The following PLEKHM3 variants were observed in gnomAD, a reference collection of about 807,000 sequenced individuals.
PLEKHM3 encodes the protein pleckstrin homology domain-containing family M member 3.
Under a neutral mutation model 81.8 loss-of-function variants are expected in PLEKHM3, and 45 were observed. The ratio of observed to expected loss-of-function variants is 0.55; its 90% confidence interval spans 0.43 to 0.71. The LOEUF (loss-of-function observed/expected upper bound fraction) is 0.71. Ranked by LOEUF, PLEKHM3 falls within the 30% of genes least tolerant of loss-of-function variation. The pLI is 0.00. For synonymous variants in PLEKHM3, 352 were observed against 356.4 expected, an observed-to-expected ratio of 0.99 and a Z score of 0.14; for missense variants, 788 against 924.3, an observed-to-expected ratio of 0.85 and a Z score of 1.91.
At chr2:207,932,986 T>G (rs1273806233) in intron 4 of PLEKHM3, among the ~76,000 whole-genome samples, 2 of 152,320 alleles carry the variant, frequency 1.3e-5, no homozygotes, top group East Asian at 3.9e-4. Flanking sequence ...ATGTTCTTTA[T>G]AGGAATGCAA....
At chr2:208,019,316 C>G (rs778638188) in intron 1 of PLEKHM3, among the ~76,000 whole-genome samples, 11 of 151,992 alleles carry the variant, frequency 7.2e-5, no homozygotes, top group Non-Finnish European at 1.3e-4. Flanking sequence ...AAAACAAAAC[C>G]AAACCTGGAA....
intron 6 of PLEKHM3, among the ~76,000 whole-genome samples, chr2:207,876,775 T>C (rs1388774224): frequency 2.6e-5 from 4 of 152,232 alleles, no homozygotes; most frequent in Non-Finnish European, 4.4e-5. Flanking sequence ...ATGTTTTAAA[T>C]GCCCTCTTCC....
At chr2:208,005,972 G>A (rs149235770) in intron 1 of PLEKHM3, among the ~76,000 whole-genome samples, 158 of 152,228 alleles carry the variant, frequency 1.0e-3, no homozygotes, top group African/African-American at 3.8e-3. Context: ...TGGGACAAAA[G>A]CATAAGAGCC....
At chr2:207,840,761 C>A (rs1246008128) in intron 7 of PLEKHM3, among the ~76,000 whole-genome samples, 1 of 143,102 alleles carries the variant, frequency 7.0e-6, no homozygotes, top group African/African-American at 2.6e-5. Context: ...TTATGTTTAT[C>A]TTTACCTATA....
chr2:207,930,929 C>T lies in PLEKHM3; in HGVS notation c.1883G>A (p.Arg628His), dbSNP rs1005120817. The T allele has an allele frequency of 1.9e-6, 3 of 1,612,578 alleles. No homozygotes were observed. Among genetic ancestry groups the T allele is most frequent in the South Asian group, 1.1e-5 (1 of 91,034 alleles). ...CRAAVAEDLR[R>H]RIFPREYLLQ... ...GTCTGAGATTTATGACTCTTACCTGCGGCGGAGATCCTCTGCCACCGCTGC... is the reference window on the plus strand; with the variant it reads ...GTCTGAGATTTATGACTCTTACCTGTGGCGGAGATCCTCTGCCACCGCTGC... The change falls in exon 5 of 8, where the codon CGC (arginine) becomes CAC (histidine). Residue 628 changes from arginine to histidine, a missense_variant. By Grantham distance (29) the Arg-to-His change is conservative (BLOSUM62 0). Transcript: ENST00000427836.
intron 5 of PLEKHM3, among the ~76,000 whole-genome samples, 199 bp from the exon 6 acceptor site, chr2:207,908,776 G>A (rs755572144): frequency 9.2e-5 from 14 of 152,314 alleles, no homozygotes; most frequent in Admixed American, 2.6e-4. Context: ...CAGAATGGAG[G>A]TAAAAGTTTG....
intron 7 of PLEKHM3, among the ~76,000 whole-genome samples, chr2:207,856,313 T>C (rs1267700309): frequency 1.3e-5 from 2 of 152,196 alleles, no homozygotes; most frequent in African/African-American, 4.8e-5. Flanking sequence ...AATATCGATA[T>C]ATCATTATTA....
chr2:207,873,468 A>G (rs111995228), intron 6 of PLEKHM3, among the ~76,000 whole-genome samples: 6 of 152,362 alleles, frequency 3.9e-5, no homozygotes, highest in African/African-American at 9.6e-5. Context: ...TAATTAACCA[A>G]CAAGGAAGAC....
At chr2:207,860,198 TG>T (rs2092460020) in intron 7 of PLEKHM3, among the ~76,000 whole-genome samples, 1 of 151,284 alleles carries the variant, frequency 6.6e-6, no homozygotes, top group Non-Finnish European at 1.5e-5. Context: ...TGTGTGTGTG[TG>T]TGTGTGTATC....
intron 3 of PLEKHM3, among the ~76,000 whole-genome samples, chr2:207,972,302 G>A (rs1691149877): frequency 6.6e-6 from 1 of 151,366 alleles, no homozygotes; most frequent in African/African-American, 2.4e-5. Context: ...CTATAAGGCT[G>A]GGCACAGTGG....
At chr2:207,837,784 T>TGAGA (rs2092328578) in intron 7 of PLEKHM3, among the ~76,000 whole-genome samples, 1 of 99,938 alleles carries the variant, frequency 1.0e-5, no homozygotes, top group African/African-American at 3.4e-5. Flanking sequence ...TTTTTTTTTT[T>TGAGA]TTTTGAGATT....
At chr2:207,946,705 C>T (rs1398699514) in intron 3 of PLEKHM3, among the ~76,000 whole-genome samples, 193 bp from the exon 4 acceptor site, 1 of 152,182 alleles carries the variant, frequency 6.6e-6, no homozygotes, top group African/African-American at 2.4e-5. Flanking sequence ...GTCCCTTCAC[C>T]TCCTAGGGTA....
intron 3 of PLEKHM3, among the ~76,000 whole-genome samples, chr2:207,962,276 T>C (rs528537261): frequency 4.5e-4 from 69 of 152,260 alleles, no homozygotes; most frequent in Non-Finnish European, 7.1e-4. Flanking sequence ...CCATCATACC[T>C]ACATAATGAA....
intron 5 of PLEKHM3, chr2:207,929,956 A>G (rs1294086966): frequency 1.4e-6 from 1 of 694,620 alleles, no homozygotes; most frequent in East Asian, 2.7e-5. Flanking sequence ...AAAACAAAAA[A>G]ATTAAAAGGT....
chr2:207,894,166 CA>C (rs1205571112), intron 6 of PLEKHM3, among the ~76,000 whole-genome samples: 3 of 152,034 alleles, frequency 2.0e-5, no homozygotes, highest in Non-Finnish European at 2.9e-5. Flanking sequence ...ATCATAAATC[CA>C]TATCTAATTA....
chr2:207,882,821 T>C (rs1232059117), intron 6 of PLEKHM3, among the ~76,000 whole-genome samples: 2 of 152,140 alleles, frequency 1.3e-5, no homozygotes, highest in African/African-American at 4.8e-5. Flanking sequence ...TTACAGTTTT[T>C]AAAAGTTTTT....
intron 1 of PLEKHM3, among the ~76,000 whole-genome samples, chr2:208,011,551 C>G (rs1692692842): frequency 6.6e-6 from 1 of 151,818 alleles, no homozygotes; most frequent in Admixed American, 6.6e-5. Context: ...CAAATGGGAG[C>G]TAAGCTATGA....
intron 5 of PLEKHM3, among the ~76,000 whole-genome samples, chr2:207,920,979 T>TC (rs1414278509): frequency 6.6e-6 from 1 of 152,102 alleles, no homozygotes; most frequent in Non-Finnish European, 1.5e-5. Context: ...CTCCCTGCCT[T>TC]CCTTTACACT....
At position 207,958,512 on chromosome 2, in the gene PLEKHM3, A is replaced by G. The variant is rs145123221; in HGVS notation, c.1547-12000T>C. 4.6e-3 allele frequency among the ~76,000 whole-genome samples: 693 copies of G among 152,300 alleles called. 4 individuals carry two copies. Among genetic ancestry groups the G allele is most frequent in the Non-Finnish European group, 7.6e-3 (517 of 68,024 alleles). ...AGGATTCTCTATATATTCTCCTGCA[A>G]TCTCAGACAGGAAAGGAAGGTCAAT... On this transcript the variant is annotated intron_variant, in intron 3 of 7. Coordinates refer to ENST00000427836, the MANE Select transcript of PLEKHM3 (RefSeq NM_001080475.3).
Sources: gnomAD v4.1 joint callset for allele counts (sites outside exome capture counted in the v4.1 genomes callset) on GRCh38, gnomAD v4.1.1 for gene constraint, MANE v1.5 for transcripts, NCBI Gene and HGNC (gene_info 2026-07-23, HGNC 2026-07-21) for gene names.